Variants in CCDC149 observed in about 807,000 individuals in gnomAD.
CCDC149 encodes coiled-coil domain containing 149, also known as coiled-coil domain-containing protein 149.
A neutral mutation model predicts 59.9 loss-of-function variants in CCDC149; 45 were observed. That is an observed-to-expected ratio of 0.75 (90% CI 0.59 to 0.96). The LOEUF (loss-of-function observed/expected upper bound fraction) is 0.96. Among genes scored for constraint, CCDC149 ranks in the 40% least tolerant of loss-of-function variants. The pLI is 0.00. For synonymous variants in CCDC149, 245 were observed against 260.6 expected (o/e 0.94, Z 0.58); for missense variants, 584 against 664.7 (o/e 0.88, Z 1.33).
At chr4:24,936,230 G>A (rs930503041) in intron 1 of CCDC149, among the ~76,000 whole-genome samples, 2 of 152,016 alleles carry the variant, frequency 1.3e-5, no homozygotes, top group African/African-American at 4.8e-5. Context: ...TGGTCAGTAG[G>A]GTCAGTGGGG....
intron 3 of CCDC149, among the ~76,000 whole-genome samples, chr4:24,869,481 A>C (rs1406644433): frequency 6.6e-6 from 1 of 152,192 alleles, no homozygotes; most frequent in Non-Finnish European, 1.5e-5. Flanking sequence ...TCTTTGGAGC[A>C]AGCTACTTTG....
chr4:24,914,328 C>T (rs919117801), upstream of CCDC149, among the ~76,000 whole-genome samples: 1 of 149,344 alleles, frequency 6.7e-6, no homozygotes, highest in African/African-American at 2.5e-5. Flanking sequence ...CTCTTTCACT[C>T]TGTGCTCAGT....
intron 4 of CCDC149, among the ~76,000 whole-genome samples, chr4:24,848,629 G>A (rs928743789): frequency 2.0e-5 from 3 of 152,002 alleles, no homozygotes; most frequent in African/African-American, 7.2e-5. Flanking sequence ...CAAGAGCAGT[G>A]ATGCTGGCAA....
chr4:24,866,850 T>A (rs968291587), intron 3 of CCDC149, among the ~76,000 whole-genome samples: 1 of 144,854 alleles, frequency 6.9e-6, no homozygotes, highest in African/African-American at 2.6e-5. Context: ...CACACGTGCA[T>A]ATATATTGAT....
At chr4:24,950,908 C>T (rs868769475) in intron 1 of CCDC149, among the ~76,000 whole-genome samples, 1 of 152,200 alleles carries the variant, frequency 6.6e-6, no homozygotes, top group Non-Finnish European at 1.5e-5. Context: ...AGAATTAAGT[C>T]TTCTCATGTC....
intron 1 of CCDC149, among the ~76,000 whole-genome samples, chr4:24,893,613 CTTTT>C (rs3066508): frequency 1.1e-4 from 7 of 65,878 alleles, no homozygotes; most frequent in Admixed American, 6.1e-4. Context: ...AAAATACAGA[CTTTT>C]TTTTTTTTTT....
At chr4:24,823,435 C>T (rs1253841567) in intron 9 of CCDC149, among the ~76,000 whole-genome samples, 1 of 152,158 alleles carries the variant, frequency 6.6e-6, no homozygotes, top group Admixed American at 6.5e-5. Flanking sequence ...TTTAATAGTC[C>T]TCTAAAACTT....
At chr4:24,973,940 G>A (rs1269222077) in intron 1 of CCDC149, among the ~76,000 whole-genome samples, 5 of 152,264 alleles carry the variant, frequency 3.3e-5, no homozygotes, top group Non-Finnish European at 5.9e-5. Context: ...CCCCGAGCCC[G>A]GGAAGCCCGA....
intron 1 of CCDC149, among the ~76,000 whole-genome samples, chr4:24,935,924 G>A (rs1029527963): frequency 2.0e-5 from 3 of 152,208 alleles, no homozygotes; most frequent in Admixed American, 2.0e-4. Context: ...GCATAGGAGA[G>A]ACCAGCAAAG....
upstream of CCDC149, among the ~76,000 whole-genome samples, chr4:24,917,486 G>A (rs748032100): frequency 1.4e-4 from 22 of 152,142 alleles, no homozygotes; most frequent in Admixed American, 2.0e-4. Flanking sequence ...AGCAGAGGTG[G>A]AAAGGCCACT....
At chr4:24,879,684 CAA>C (rs34829658) in intron 1 of CCDC149, among the ~76,000 whole-genome samples, 84 of 130,360 alleles carry the variant, frequency 6.4e-4, no homozygotes, top group Non-Finnish European at 6.6e-4. Flanking sequence ...GACTCCATCT[CAA>C]AAAAAAAAAA....
At chr4:24,876,408 T>C (rs1719442613) in intron 2 of CCDC149, 128 bp downstream of exon 2, 2 of 993,844 alleles carry the variant, frequency 2.0e-6, no homozygotes, top group Non-Finnish European at 1.4e-6. Flanking sequence ...TGGTGACTTT[T>C]ACTTCTAAAT....
intron 1 of CCDC149, among the ~76,000 whole-genome samples, chr4:24,888,368 T>C (rs1720324986): frequency 6.6e-6 from 1 of 150,886 alleles, no homozygotes; most frequent in Non-Finnish European, 1.5e-5. Context: ...CATCATGCTT[T>C]GCAGAAAAAA....
intron 1 of CCDC149, among the ~76,000 whole-genome samples, chr4:24,899,778 C>G (rs1721054975): frequency 6.6e-6 from 1 of 152,108 alleles, no homozygotes; most frequent in African/African-American, 2.4e-5. Context: ...TTGTTTGGTT[C>G]CAGAATGAAT....
At chr4:24,912,583 G>T (rs2109329408) in intron 1 of CCDC149, among the ~76,000 whole-genome samples, 1 of 152,326 alleles carries the variant, frequency 6.6e-6, no homozygotes, top group East Asian at 1.9e-4. Flanking sequence ...TGGGGGGAAG[G>T]CCCCTCCCCA....
intron 1 of CCDC149, among the ~76,000 whole-genome samples, chr4:24,973,766 AC>A (rs1337339752): frequency 6.6e-6 from 1 of 152,218 alleles, no homozygotes; most frequent in Admixed American, 6.5e-5. Context: ...TTTGTTGGTT[AC>A]AACTGAGGAG....
At chr4:24,956,483 T>G (rs889268428) in intron 1 of CCDC149, among the ~76,000 whole-genome samples, 1 of 152,130 alleles carries the variant, frequency 6.6e-6, no homozygotes, top group Non-Finnish European at 1.5e-5. Flanking sequence ...ATAAATTACT[T>G]TAGTGATCCA....
At chr4:24,929,274 G>A (rs1399166046) in intron 1 of CCDC149, among the ~76,000 whole-genome samples, 3 of 152,180 alleles carry the variant, frequency 2.0e-5, no homozygotes, top group South Asian at 2.1e-4. Flanking sequence ...GGGCTCCCAG[G>A]GAGTGGGAAT....
chr4:24,805,347 C>G (rs1714097168), downstream of CCDC149, among the ~76,000 whole-genome samples: 1 of 152,150 alleles, frequency 6.6e-6, no homozygotes, highest in Admixed American at 6.5e-5. Context: ...AGAAAGATGC[C>G]AGGGAGGGGG....
Sources: allele counts gnomAD v4.1 joint callset (sites outside exome capture counted in the v4.1 genomes callset), GRCh38; gene constraint gnomAD v4.1.1; transcripts MANE v1.5; gene names NCBI Gene and HGNC (gene_info 2026-07-23, HGNC 2026-07-21).